NKAIN2: variants seen among roughly 807,000 people sequenced by gnomAD.
NKAIN2 encodes sodium/potassium transporting ATPase interacting 2, also known as sodium/potassium-transporting ATPase subunit beta-1-interacting protein 2.
NKAIN2 carries 14 observed loss-of-function variants against 32.6 expected under a neutral mutation model. That is an observed-to-expected ratio of 0.43 (90% confidence interval 0.28 to 0.67). The LOEUF (loss-of-function observed/expected upper bound fraction) is 0.67, where lower values mean the gene tolerates loss of function less well. NKAIN2 is among the 30% of genes least tolerant of loss of function. The pLI is 0.17. For missense variants in NKAIN2, 198 were observed against 258.3 expected (o/e 0.77, Z 1.60); for synonymous variants, 80 against 87.2 (o/e 0.92, Z 0.46).
intron 1 of NKAIN2, among the ~76,000 whole-genome samples, chr6:123,903,825 G>A (rs1013907752): frequency 2.0e-5 from 3 of 151,948 alleles, no homozygotes; most frequent in South Asian, 2.1e-4. Flanking sequence ...TTACACTATC[G>A]ATAGGATGAA....
intron 3 of NKAIN2, among the ~76,000 whole-genome samples, chr6:124,536,327 C>T (rs1023750138): frequency 1.8e-4 from 27 of 152,140 alleles, no homozygotes; most frequent in African/African-American, 6.3e-4. Flanking sequence ...CTAGGCAAAA[C>T]TCCTAAAGTA....
intron 3 of NKAIN2, among the ~76,000 whole-genome samples, chr6:124,555,751 C>A (rs560529734): frequency 7.2e-5 from 11 of 152,312 alleles, no homozygotes; most frequent in Admixed American, 5.2e-4. Context: ...GATTATTACA[C>A]TTGCATTATC....
chr6:124,687,877 G>T (rs1774061391), intron 4 of NKAIN2, among the ~76,000 whole-genome samples: 1 of 150,456 alleles, frequency 6.6e-6, no homozygotes, highest in Admixed American at 6.7e-5. Flanking sequence ...AATCATGGGG[G>T]CCCTCCTAGA....
intron 3 of NKAIN2, among the ~76,000 whole-genome samples, chr6:124,566,504 A>G (rs1780918033): frequency 6.6e-6 from 1 of 152,138 alleles, no homozygotes; most frequent in African/African-American, 2.4e-5. Flanking sequence ...GATTCCATGA[A>G]TGCTTTTTTC....
chr6:124,821,887 A>C (rs890761659), intron 6 of NKAIN2, among the ~76,000 whole-genome samples: 3 of 152,214 alleles, frequency 2.0e-5, no homozygotes, highest in African/African-American at 7.2e-5. Context: ...ACCCAATAAA[A>C]GGAAAACAAA....
chr6:124,022,916 C>T (rs562381696), intron 1 of NKAIN2, among the ~76,000 whole-genome samples: 10 of 152,056 alleles, frequency 6.6e-5, no homozygotes, highest in African/African-American at 2.4e-4. Flanking sequence ...TTTATTATTA[C>T]ACTTGTTGCA....
At chr6:124,706,422 A>G (rs1387077592) in intron 4 of NKAIN2, among the ~76,000 whole-genome samples, 1 of 152,124 alleles carries the variant, frequency 6.6e-6, no homozygotes, top group Non-Finnish European at 1.5e-5. Context: ...TTGAATTAAA[A>G]TAAGCGACAT....
At chr6:124,296,234 A>G (rs1796050184) in intron 2 of NKAIN2, among the ~76,000 whole-genome samples, 1 of 152,094 alleles carries the variant, frequency 6.6e-6, no homozygotes, top group Non-Finnish European at 1.5e-5. Flanking sequence ...GCTTTGAGTT[A>G]TAATAGGATA....
intron 1 of NKAIN2, among the ~76,000 whole-genome samples, chr6:124,079,103 C>CTTGAGGTCAGGAGT: frequency 6.6e-6 from 1 of 152,040 alleles, no homozygotes. Flanking sequence ...AGGTGGATCA[C>CTTGAGGTCAGGAGT]TTGAGGTCAG....
At position 123,927,168 on chromosome 6, in the gene NKAIN2, TC is replaced by T. The variant is rs201288262; in HGVS notation, c.54+122917del. On this transcript the variant is annotated intron_variant, in intron 1 of 6. Transcript: ENST00000368417. ...AAGATGACAGTGGGAGCAATTTAAATCCCTTAGTAACTAAATGGGATGGAGC... is the reference window on the plus strand; with the variant it reads ...AAGATGACAGTGGGAGCAATTTAAATCCTTAGTAACTAAATGGGATGGAGC... Among the ~76,000 whole-genome samples, 760 of 152,324 alleles carry T rather than the reference TC, an allele frequency of 5.0e-3. 9 individuals are homozygous for T. Among genetic ancestry groups the T allele is most frequent in the African/African-American group, 0.016 (651 of 41,576 alleles).
At chr6:124,575,678 A>G (rs1781303837) in intron 3 of NKAIN2, among the ~76,000 whole-genome samples, 1 of 152,118 alleles carries the variant, frequency 6.6e-6, no homozygotes, top group South Asian at 2.1e-4. Context: ...GCCAGTGAAA[A>G]CTGACTTCTA....
At chr6:124,762,967 A>G (rs1403665085) in intron 4 of NKAIN2, among the ~76,000 whole-genome samples, 1 of 152,232 alleles carries the variant, frequency 6.6e-6, no homozygotes, top group East Asian at 1.9e-4. Context: ...AGTGCTCTTG[A>G]TAGTTCTTTT....
intron 1 of NKAIN2, among the ~76,000 whole-genome samples, chr6:124,008,197 G>C (rs776011134): frequency 1.3e-5 from 2 of 152,172 alleles, no homozygotes; most frequent in Non-Finnish European, 2.9e-5. Context: ...GATACTTCCA[G>C]TGGTGTCACA....
chr6:124,003,132 G>A (rs1372166632), intron 1 of NKAIN2, among the ~76,000 whole-genome samples: 1 of 152,052 alleles, frequency 6.6e-6, no homozygotes, highest in Non-Finnish European at 1.5e-5. Context: ...TAAGTTAAAA[G>A]AACAAAATGA....
intron 2 of NKAIN2, among the ~76,000 whole-genome samples, chr6:124,340,272 G>C (rs1018090421): frequency 6.6e-6 from 1 of 152,038 alleles, no homozygotes; most frequent in Non-Finnish European, 1.5e-5. Context: ...TGAGATCTAT[G>C]AATTACACAT....
chr6:124,508,212 A>G (rs1438375429), intron 3 of NKAIN2, among the ~76,000 whole-genome samples: 2 of 152,116 alleles, frequency 1.3e-5, no homozygotes, highest in East Asian at 3.9e-4. Flanking sequence ...AGCAGTGATC[A>G]TGCCACTGCA....
At chr6:124,130,085 G>A (rs1269291309) in intron 1 of NKAIN2, among the ~76,000 whole-genome samples, 1 of 152,064 alleles carries the variant, frequency 6.6e-6, no homozygotes, top group Non-Finnish European at 1.5e-5. Context: ...TAATTCTAGT[G>A]GGCTCAGCTT....
Position 123,911,197 on chromosome 6 carries a change from C to T in NKAIN2, c.54+106943C>T, listed in dbSNP as rs150481180. ...TTTGAAACCCTTCTTCTAATTCTGTCTCAGTCAGTTGTGTTGCTATAAAGG... is the reference window on the plus strand; with the variant it reads ...TTTGAAACCCTTCTTCTAATTCTGTTTCAGTCAGTTGTGTTGCTATAAAGG... On this transcript the variant is annotated intron_variant, in intron 1 of 6. Coordinates refer to ENST00000368417, the MANE Select transcript of NKAIN2 (RefSeq NM_001040214.3). 4.7e-3 allele frequency among the ~76,000 whole-genome samples: 719 copies of T among 152,190 alleles called. 16 individuals are homozygous for T. The South Asian group carries it at 0.048, about 10-fold the overall frequency.
intron 1 of NKAIN2, among the ~76,000 whole-genome samples, chr6:123,901,166 C>G (rs1422944965): frequency 1.3e-5 from 2 of 152,040 alleles, no homozygotes; most frequent in Non-Finnish European, 2.9e-5. Context: ...ATAGAAGAAC[C>G]ACCAGCTTCT....
Sources: allele counts gnomAD v4.1 joint callset (sites outside exome capture counted in the v4.1 genomes callset), GRCh38; gene constraint gnomAD v4.1.1; transcripts MANE v1.5; gene names NCBI Gene and HGNC (gene_info 2026-07-23, HGNC 2026-07-21).